TCF7L2: variants seen among roughly 807,000 people sequenced by gnomAD.
The protein encoded by TCF7L2 is transcription factor 7 like 2.
In TCF7L2, 23 loss-of-function variants were observed where a neutral mutation model predicts 77.9. The ratio of observed to expected loss-of-function variants is 0.30; its 90% CI spans 0.21 to 0.42. TCF7L2 has a LOEUF of 0.42. Among genes scored for constraint, TCF7L2 ranks in the 10% least tolerant of loss-of-function variants. TCF7L2 has a pLI of 1.00. For synonymous variants in TCF7L2, 413 were observed against 340.2 expected, an observed-to-expected ratio of 1.21 and a Z score of -2.36; for missense variants, 654 against 793.1, an observed-to-expected ratio of 0.82 and a Z score of 2.11.
At chr10:113,149,497 T>C (rs1239762103) in intron 8 of TCF7L2, among the ~76,000 whole-genome samples, 1 of 152,276 alleles carries the variant, frequency 6.6e-6, no homozygotes. Flanking sequence ...GCATTAACTT[T>C]CCTTCCTCTG....
At chr10:112,952,865 C>T (rs1216065685) in intron 3 of TCF7L2, among the ~76,000 whole-genome samples, 1 of 151,384 alleles carries the variant, frequency 6.6e-6, no homozygotes, top group Non-Finnish European at 1.5e-5. Context: ...GAACCCCCTC[C>T]TCCTCATCCC....
At chr10:113,029,942 G>A (rs890307547) in intron 4 of TCF7L2, among the ~76,000 whole-genome samples, 3 of 152,058 alleles carry the variant, frequency 2.0e-5, no homozygotes, top group Non-Finnish European at 4.4e-5. Flanking sequence ...GTCATAAAAT[G>A]TACCCATTTA....
intron 5 of TCF7L2, among the ~76,000 whole-genome samples, chr10:113,118,117 A>G (rs1381797308): frequency 6.6e-6 from 1 of 151,944 alleles, no homozygotes; most frequent in Non-Finnish European, 1.5e-5. Flanking sequence ...GGGGTCGAGA[A>G]TTTACTGGTG....
intron 4 of TCF7L2, among the ~76,000 whole-genome samples, chr10:112,998,125 G>C (rs2043836687): frequency 1.3e-5 from 2 of 149,538 alleles, no homozygotes; most frequent in Non-Finnish European, 3.0e-5. Flanking sequence ...TTTCTAAAGA[G>C]ATGGAGTCTT....
chr10:112,998,703 G>A (rs1187646533), intron 4 of TCF7L2, among the ~76,000 whole-genome samples: 2 of 152,198 alleles, frequency 1.3e-5, no homozygotes, highest in African/African-American at 4.8e-5. Context: ...GGTTAGAGGG[G>A]CCCTGGACAC....
At chr10:112,964,813 G>GGGGGTGGTGATGGTGGTGGTGGTGGTGGT (rs2036298189) in intron 4 of TCF7L2, among the ~76,000 whole-genome samples, 189 bp downstream of exon 4, 1 of 98,410 alleles carries the variant, frequency 1.0e-5, no homozygotes, top group Non-Finnish European at 1.8e-5. Flanking sequence ...TGGTGGTGGT[G>GGGGGTGGTGATGGTGGTGGTGGTGGTGGT]GGGGGGGGTT....
chr10:113,103,774 C>A (rs2135950103), intron 5 of TCF7L2, among the ~76,000 whole-genome samples: 1 of 152,226 alleles, frequency 6.6e-6, no homozygotes, highest in African/African-American at 2.4e-5. Context: ...AGTGTGTGGT[C>A]CTTGCTGCTG....
chr10:113,062,062 A>G (rs2134921842), intron 5 of TCF7L2, among the ~76,000 whole-genome samples: 1 of 152,246 alleles, frequency 6.6e-6, no homozygotes, highest in East Asian at 1.9e-4. Context: ...GGGTGTAGAG[A>G]GCAAAAGTGT....
chr10:112,986,858 A>G (rs184245936), intron 4 of TCF7L2, among the ~76,000 whole-genome samples: 76 of 152,284 alleles, frequency 5.0e-4, no homozygotes, highest in African/African-American at 1.8e-3. Flanking sequence ...CTAGTTCAGT[A>G]TAATTTTAAT....
chr10:113,152,852 G>C (rs913979148), intron 11 of TCF7L2, among the ~76,000 whole-genome samples: 1 of 152,168 alleles, frequency 6.6e-6, no homozygotes, highest in Non-Finnish European at 1.5e-5. Flanking sequence ...AGGTGTGGAG[G>C]AACAGAATTT....
intron 5 of TCF7L2, among the ~76,000 whole-genome samples, chr10:113,117,482 A>T (rs2064009217): frequency 6.9e-6 from 1 of 145,334 alleles, no homozygotes; most frequent in South Asian, 2.2e-4. Flanking sequence ...AATATAGCTA[A>T]CGTAATAGAA....
At chr10:113,164,709 C>G (rs370243506) in intron 13 of TCF7L2, among the ~76,000 whole-genome samples, 31 of 152,184 alleles carry the variant, frequency 2.0e-4, no homozygotes, top group African/African-American at 5.3e-4. Flanking sequence ...ATTCTTCCCC[C>G]TCCCCCACCT....
At chr10:113,105,123 A>C (rs961681994) in intron 5 of TCF7L2, among the ~76,000 whole-genome samples, 12 of 152,192 alleles carry the variant, frequency 7.9e-5, no homozygotes, top group African/African-American at 2.9e-4. Context: ...TAACTTCCAG[A>C]GTGACATGAC....
chr10:113,008,478 T>G (rs1178117564), intron 4 of TCF7L2, among the ~76,000 whole-genome samples: 3 of 152,182 alleles, frequency 2.0e-5, no homozygotes, highest in Admixed American at 2.0e-4. Context: ...CTTGGATTCT[T>G]TAGTGTGGCT....
intron 5 of TCF7L2, among the ~76,000 whole-genome samples, chr10:113,082,490 A>G (rs889008588): frequency 1.3e-5 from 2 of 152,150 alleles, no homozygotes; most frequent in Non-Finnish European, 2.9e-5. Flanking sequence ...ACCAGCAAAC[A>G]CCTTTTGAAA....
intron 4 of TCF7L2, among the ~76,000 whole-genome samples, chr10:112,985,527 C>T (rs1392832790): frequency 6.6e-6 from 1 of 152,172 alleles, no homozygotes; most frequent in Non-Finnish European, 1.5e-5. Flanking sequence ...AACAACATGC[C>T]TGTCTTTTTT....
intron 4 of TCF7L2, among the ~76,000 whole-genome samples, chr10:113,024,538 T>A (rs953159421): frequency 6.6e-6 from 1 of 152,126 alleles, no homozygotes; most frequent in African/African-American, 2.4e-5. Context: ...TTTTGGAATA[T>A]TCGCATATAC....
At chr10:113,007,757 G>A (rs1051080606) in intron 4 of TCF7L2, among the ~76,000 whole-genome samples, 1 of 152,208 alleles carries the variant, frequency 6.6e-6, no homozygotes, top group Admixed American at 6.5e-5. Context: ...GTTTGTAGGA[G>A]GGCATGATGA....
rs948670700 is a variant in TCF7L2 at position 113,064,240 on chromosome 10, C to T, written c.552+24114C>T. 2.0e-5 allele frequency among the ~76,000 whole-genome samples: 3 copies of T among 152,200 alleles called. No homozygotes were observed. The East Asian group carries it at 5.8e-4, about 29-fold the overall frequency. On this transcript the variant is annotated intron_variant, in intron 5 of 13. Transcript: ENST00000627217. ...GAAGGAGCCTAATACCTGTCAGGAA[C>T]TGCCTCCTCTGGGAGAGGGAGGGGC...
Sources: allele counts gnomAD v4.1 joint callset (sites outside exome capture counted in the v4.1 genomes callset), GRCh38; gene constraint gnomAD v4.1.1; transcripts MANE v1.5; gene names NCBI Gene and HGNC (gene_info 2026-07-23, HGNC 2026-07-21).